Variants in PLB1 observed in about 807,000 individuals in gnomAD.
PLB1 encodes phospholipase B1.
In PLB1, 242 loss-of-function variants were observed where a neutral mutation model predicts 227.4. The observed-to-expected ratio is 1.06, with a 90% CI of 0.96 to 1.18. PLB1 has a LOEUF of 1.18. Among genes scored for constraint, PLB1 ranks in the 50% most tolerant of loss-of-function variants. The pLI is 0.00. For synonymous variants in PLB1, 757 were observed against 682.2 expected (o/e 1.11, Z -1.71); for missense variants, 1,858 against 1,816.3 (o/e 1.02, Z -0.42).
chr2:28,639,212 G>C (rs1186482379), intron 56 of PLB1, among the ~76,000 whole-genome samples: 1 of 152,186 alleles, frequency 6.6e-6, no homozygotes, highest in Non-Finnish European at 1.5e-5. Context: ...GGAGAGTGTG[G>C]AGGTAGATGG....
In PLB1 at chr2:28,600,859, A is replaced by T. The variant is rs778067543; in HGVS notation, c.2525A>T (p.His842Leu). ...QTLMQKMKDD[H>L]RVNFHEDWKV... ...CTGATGCAGAAGATGAAAGATGATCATGTGAGTCAGATTTACTGTTATTTC... is the reference window on the plus strand; with the variant it reads ...CTGATGCAGAAGATGAAAGATGATCTTGTGAGTCAGATTTACTGTTATTTC... Residue 842 changes from histidine (H) to leucine (L), a missense_variant and splice_region_variant, in exon 36 of 58, where the codon CAT (histidine) becomes CTT (leucine). By Grantham distance (99) the His-to-Leu change is moderately conservative (BLOSUM62 -3). Transcript: ENST00000327757. 4 of 1,609,736 alleles carry T rather than the reference A, an allele frequency of 2.5e-6. No individual in the cohort carries two copies. Among genetic ancestry groups the T allele is most frequent in the East Asian group, 2.2e-5 (1 of 44,872 alleles).
At chr2:28,542,999 C>T (rs371436810) in intron 13 of PLB1, among the ~76,000 whole-genome samples, 2 of 152,130 alleles carry the variant, frequency 1.3e-5, no homozygotes, top group African/African-American at 2.4e-5. Context: ...AGCTGCCTGA[C>T]GTGCCACCTG....
chr2:28,614,852 C>T (rs1425973470), intron 44 of PLB1, among the ~76,000 whole-genome samples: 2 of 152,228 alleles, frequency 1.3e-5, no homozygotes, highest in Admixed American at 6.5e-5. Context: ...AATTATTGAG[C>T]ACATACTATG....
chr2:28,571,387 T>C (rs2103286), intron 20 of PLB1, among the ~76,000 whole-genome samples: 32,625 of 152,078 alleles, frequency 0.21, 5,512 homozygotes, highest in African/African-American at 0.44. Flanking sequence ...CACATCAATC[T>C]ACGGATTCAA....
chr2:28,601,869 C>T (rs369572533), intron 37 of PLB1, 30 bp from the exon 38 acceptor site: 3 of 1,567,678 alleles, frequency 1.9e-6, no homozygotes, highest in Non-Finnish European at 2.6e-6. Flanking sequence ...TAACCAGTTC[C>T]TCCTTTTCCT....
At chr2:28,634,092 T>G (rs2148344989) in intron 56 of PLB1, among the ~76,000 whole-genome samples, 1 of 152,334 alleles carries the variant, frequency 6.6e-6, no homozygotes, top group Admixed American at 6.5e-5. Flanking sequence ...GAACAGCATG[T>G]AAACTGGCTT....
chr2:28,581,562 TCC>T (rs1264021045), intron 23 of PLB1, among the ~76,000 whole-genome samples: 2 of 125,458 alleles, frequency 1.6e-5, no homozygotes, highest in African/African-American at 3.4e-5. Flanking sequence ...CATAGGCATT[TCC>T]CTGAGGGCCA....
chr2:28,538,149 C>A, intron 9 of PLB1, 170 bp from the exon 10 acceptor site: 2 of 823,972 alleles, frequency 2.4e-6, no homozygotes, highest in Non-Finnish European at 4.0e-6. Flanking sequence ...AAAATGAAGA[C>A]AAAACTAGGA....
intron 20 of PLB1, among the ~76,000 whole-genome samples, chr2:28,567,843 G>T (rs142031633): frequency 2.6e-5 from 4 of 152,180 alleles, no homozygotes; most frequent in Non-Finnish European, 4.4e-5. Flanking sequence ...CTCCCTGCTT[G>T]TTCTTAAAGT....
chr2:28,534,540 T>C (rs1331135534), intron 9 of PLB1, among the ~76,000 whole-genome samples: 2 of 152,186 alleles, frequency 1.3e-5, no homozygotes, highest in Admixed American at 1.3e-4. Context: ...GAAACACATC[T>C]CACACTGTGG....
chr2:28,506,677 G>C (rs1351526535), intron 1 of PLB1, among the ~76,000 whole-genome samples: 1 of 152,178 alleles, frequency 6.6e-6, no homozygotes, highest in Non-Finnish European at 1.5e-5. Context: ...GGGAACTGTA[G>C]AAAGTTCTTT....
chr2:28,633,324 T>G, intron 56 of PLB1: 1 of 417,928 alleles, frequency 2.4e-6, no homozygotes, highest in South Asian at 3.0e-5. Context: ...TCAGATAGGT[T>G]GGCTAGATGA....
chr2:28,506,200 C>T (rs1368097198), intron 1 of PLB1, among the ~76,000 whole-genome samples: 1 of 152,088 alleles, frequency 6.6e-6, no homozygotes, highest in Non-Finnish European at 1.5e-5. Flanking sequence ...AGAAAGGAGC[C>T]GCATAAAATC....
At chr2:28,583,456 T>G (rs1357963749) in intron 25 of PLB1, among the ~76,000 whole-genome samples, 1 of 125,806 alleles carries the variant, frequency 7.9e-6, no homozygotes, top group Admixed American at 8.0e-5. Context: ...AGTGCTGGGA[T>G]TACAGGCGTG....
At chr2:28,565,478 A>G in intron 19 of PLB1, 125 bp downstream of exon 19, 3 of 776,800 alleles carry the variant, frequency 3.9e-6, no homozygotes, top group Non-Finnish European at 6.2e-6. Flanking sequence ...TCTATGACCA[A>G]CTTCTAGGTT....
At chr2:28,586,609 A>AT (rs1024138554) in intron 26 of PLB1, among the ~76,000 whole-genome samples, 2 of 152,138 alleles carry the variant, frequency 1.3e-5, no homozygotes, top group African/African-American at 4.8e-5. Flanking sequence ...CCTGCCACCC[A>AT]TTTTGGGGGC....
chr2:28,642,252 A>G (rs571847879), intron 57 of PLB1, among the ~76,000 whole-genome samples: 2 of 152,154 alleles, frequency 1.3e-5, no homozygotes, highest in East Asian at 3.9e-4. Context: ...CCTGGGCCAC[A>G]AGAAAAGATG....
chr2:28,598,175 A>G, intron 34 of PLB1, 127 bp downstream of exon 34: 3 of 778,124 alleles, frequency 3.9e-6, no homozygotes, highest in South Asian at 3.6e-5. Flanking sequence ...TAAGTAGGAG[A>G]CAGGAGGCTA....
chr2:28,552,187 A>G (rs1233255472), intron 16 of PLB1, among the ~76,000 whole-genome samples: 1 of 152,210 alleles, frequency 6.6e-6, no homozygotes, highest in East Asian at 1.9e-4. Context: ...GACAGGAGAA[A>G]GTTGAAGAAG....
Sources: gnomAD v4.1 joint callset for allele counts (sites outside exome capture counted in the v4.1 genomes callset) on GRCh38, gnomAD v4.1.1 for gene constraint, MANE v1.5 for transcripts, NCBI Gene and HGNC (gene_info 2026-07-23, HGNC 2026-07-21) for gene names.